The following RBL1 variants were observed in gnomAD, a reference collection of about 807,000 sequenced individuals.
RBL1 encodes the protein RB transcriptional corepressor like 1, also known as retinoblastoma-like protein 1.
A neutral mutation model predicts 123.0 loss-of-function variants in RBL1; 82 were observed. The ratio of observed to expected loss-of-function variants is 0.67; its 90% CI spans 0.56 to 0.80. The LOEUF is 0.80. RBL1 is among the 30% of genes least tolerant of loss of function. The pLI is 0.00. For missense variants in RBL1, 1,171 were observed against 1,299.6 expected, an observed-to-expected ratio of 0.90 and a Z score of 1.52; for synonymous variants, 405 against 441.3, an observed-to-expected ratio of 0.92 and a Z score of 1.03.
Position 37,085,224 on chromosome 20 carries a change from C to T in RBL1, c.290+3765G>A, listed in dbSNP as rs142685343. ...TCTGCTAGCTGCAACCTTCGCCTCCCTGGGTTCAAGCAATTTTCCTGCCTC... is the reference window on the plus strand; with the variant it reads ...TCTGCTAGCTGCAACCTTCGCCTCCTTGGGTTCAAGCAATTTTCCTGCCTC... On this transcript the variant is annotated intron_variant, in intron 2 of 21. Coordinates refer to ENST00000373664, the MANE Select transcript of RBL1 (RefSeq NM_002895.5). Among the ~76,000 whole-genome samples, 1,461 of 151,624 alleles carry T rather than the reference C, an allele frequency of 9.6e-3. 24 individuals are homozygous for T. Among genetic ancestry groups the T allele is most frequent in the African/African-American group, 0.034 (1,403 of 41,310 alleles).
intron 11 of RBL1, among the ~76,000 whole-genome samples, chr20:37,051,631 C>T (rs1459601251): frequency 6.6e-6 from 1 of 150,460 alleles, no homozygotes; most frequent in African/African-American, 2.4e-5. Flanking sequence ...CTATACAAAA[C>T]ATCTATACAA....
intron 9 of RBL1, among the ~76,000 whole-genome samples, chr20:37,057,360 C>T (rs2065027451): frequency 6.6e-6 from 1 of 152,128 alleles, no homozygotes; most frequent in South Asian, 2.1e-4. Flanking sequence ...CTTACCAACA[C>T]CTGCTATTTT....
intron 2 of RBL1, among the ~76,000 whole-genome samples, chr20:37,083,630 C>CAAAAAAGAAA (rs2065491377): frequency 1.7e-5 from 1 of 57,362 alleles, no homozygotes; most frequent in African/African-American, 7.6e-5. Context: ...ACTAAAAATA[C>CAAAAAAGAAA]AAAAAAAAAA....
At chr20:37,016,398 T>C (rs1198947945) in intron 19 of RBL1, among the ~76,000 whole-genome samples, 1 of 152,134 alleles carries the variant, frequency 6.6e-6, no homozygotes, top group Non-Finnish European at 1.5e-5. Flanking sequence ...GTAAAAAGAA[T>C]TGAGTTTGGC....
At chr20:37,059,346 C>T (rs2065059414) in intron 9 of RBL1, among the ~76,000 whole-genome samples, 1 of 152,178 alleles carries the variant, frequency 6.6e-6, no homozygotes, top group Admixed American at 6.5e-5. Flanking sequence ...AGGACCAGGG[C>T]TTCGCTTTGT....
chr20:37,092,328 A>T (rs576799361), intron 1 of RBL1, among the ~76,000 whole-genome samples: 100 of 152,244 alleles, frequency 6.6e-4, no homozygotes, highest in African/African-American at 2.2e-3. Flanking sequence ...GACATTAAAG[A>T]ATACACTGAT....
chr20:37,057,212 T>C (rs1427204428), intron 9 of RBL1, among the ~76,000 whole-genome samples: 1 of 152,234 alleles, frequency 6.6e-6, no homozygotes, highest in Non-Finnish European at 1.5e-5. Flanking sequence ...TTTGGATGTA[T>C]ACCCAGAAGT....
intron 1 of RBL1, among the ~76,000 whole-genome samples, chr20:37,091,109 C>A (rs1224123494): frequency 5.3e-5 from 8 of 152,154 alleles, no homozygotes; most frequent in Non-Finnish European, 1.0e-4. Flanking sequence ...GTAATCCTAG[C>A]ACTTTGGGAG....
At chr20:37,037,667 C>T (rs980744272) in intron 14 of RBL1, among the ~76,000 whole-genome samples, 4 of 151,288 alleles carry the variant, frequency 2.6e-5, no homozygotes, top group African/African-American at 7.3e-5. Context: ...GTATTCACAT[C>T]TTATGCAATC....
intron 21 of RBL1, among the ~76,000 whole-genome samples, chr20:36,999,649 G>A (rs945517251): frequency 6.6e-6 from 1 of 152,260 alleles, no homozygotes; most frequent in Admixed American, 6.5e-5. Context: ...GCGCCGCCAC[G>A]CCTGACTGGT....
chr20:37,013,543 C>G (rs901605048), intron 19 of RBL1, among the ~76,000 whole-genome samples: 2 of 149,800 alleles, frequency 1.3e-5, no homozygotes, highest in East Asian at 3.9e-4. Context: ...TCCTATGACC[C>G]TGCCAAATCT....
At chr20:37,030,404 C>T (rs2064487555) in intron 16 of RBL1, among the ~76,000 whole-genome samples, 1 of 152,166 alleles carries the variant, frequency 6.6e-6, no homozygotes, top group South Asian at 2.1e-4. Context: ...TGACTTTAGA[C>T]CCTTATCTAA....
chr20:37,069,162 T>C (rs1259237331), intron 2 of RBL1, among the ~76,000 whole-genome samples: 1 of 152,218 alleles, frequency 6.6e-6, no homozygotes, highest in Non-Finnish European at 1.5e-5. Context: ...CAGGCTGGAG[T>C]GCAGTGGCGT....
intron 12 of RBL1, among the ~76,000 whole-genome samples, chr20:37,044,957 C>T (rs563133600): frequency 4.6e-5 from 7 of 151,652 alleles, no homozygotes; most frequent in Admixed American, 6.6e-5. Context: ...AGTGACTTTG[C>T]GTATATACAC....
chr20:37,005,961 T>C (rs1047882531), intron 20 of RBL1, among the ~76,000 whole-genome samples: 2 of 146,572 alleles, frequency 1.4e-5, no homozygotes, highest in African/African-American at 5.0e-5. Flanking sequence ...GGTGGTGCGA[T>C]TGTGGCTCAT....
At chr20:37,094,386 C>A (rs1023741427) in intron 1 of RBL1, among the ~76,000 whole-genome samples, 1 of 152,348 alleles carries the variant, frequency 6.6e-6, no homozygotes, top group East Asian at 1.9e-4. Context: ...TTGTCCTTTA[C>A]CCAGTCTATC....
intron 21 of RBL1, among the ~76,000 whole-genome samples, chr20:37,002,131 C>G (rs1203247844): frequency 6.6e-6 from 1 of 151,894 alleles, no homozygotes; most frequent in Non-Finnish European, 1.5e-5. Context: ...CTCCTGGGCT[C>G]AAGCTATTCT....
At chr20:37,024,172 G>A (rs1418631346) in intron 16 of RBL1, among the ~76,000 whole-genome samples, 3 of 151,942 alleles carry the variant, frequency 2.0e-5, no homozygotes, top group Non-Finnish European at 4.4e-5. Context: ...TACAAACCGA[G>A]CTTAAAAACT....
At position 37,050,309 on chromosome 20, in the gene RBL1, C is replaced by T. The variant is rs575328566; in HGVS notation, c.1468-3119G>A. Among the ~76,000 whole-genome samples, 79 of 151,634 alleles carry T rather than the reference C, an allele frequency of 5.2e-4. 1 individual carries two copies. Among genetic ancestry groups the T allele is most frequent in the East Asian group, 3.1e-3 (16 of 5,150 alleles). On this transcript the variant is annotated intron_variant, in intron 11 of 21. Transcript: ENST00000373664. ...CTGTAATCCCAGCACTTTGGGAGGC[C>T]GAGACGGGCAGATCACAAGGTCAGG...
Sources: gnomAD v4.1 joint callset for allele counts (sites outside exome capture counted in the v4.1 genomes callset) on GRCh38, gnomAD v4.1.1 for gene constraint, MANE v1.5 for transcripts, NCBI Gene and HGNC (gene_info 2026-07-23, HGNC 2026-07-21) for gene names.